The following CDH23 variants were observed in gnomAD, a reference collection of about 807,000 sequenced individuals.
CDH23 encodes cadherin related 23.
A neutral mutation model predicts 317.1 loss-of-function variants in CDH23; 189 were observed. That is an observed-to-expected ratio of 0.60 (90% CI 0.53 to 0.67). CDH23 has a LOEUF of 0.67. Among genes scored for constraint, CDH23 ranks in the 30% least tolerant of loss-of-function variants. The pLI, the probability that CDH23 is intolerant of heterozygous loss-of-function variation, is 0.00. For missense variants in CDH23, 4,401 were observed against 4,592.4 expected, an observed-to-expected ratio of 0.96 and a Z score of 1.20; for synonymous variants, 1,839 against 1,876.8, an observed-to-expected ratio of 0.98 and a Z score of 0.52.
Position 71,810,150 on chromosome 10 carries a change from A to C in CDH23, c.8979+74A>C, listed in dbSNP as rs1841874564. 7 of 1,560,472 alleles carry C rather than the reference A, an allele frequency of 4.5e-6. No individual in the cohort carries two copies. In the East Asian group the frequency reaches 1.6e-4, roughly 35 times the overall value. On this transcript the variant is annotated intron_variant, in intron 61 of 69. Transcript: ENST00000224721. ...GGGAGGCCAGGCCACAAGGAGAGACAGGGCATTGTGCAAAGGCCAGGGCGT... is the reference window on the plus strand; with the variant it reads ...GGGAGGCCAGGCCACAAGGAGAGACCGGGCATTGTGCAAAGGCCAGGGCGT...
chr10:71,438,347 C>CAAAAAAAA (rs10596696), intron 1 of CDH23, among the ~76,000 whole-genome samples: 165 of 97,818 alleles, frequency 1.7e-3, no homozygotes, highest in South Asian at 2.3e-3. Context: ...CTGTCTCAAA[C>CAAAAAAAA]AAAAAAAAAA....
intron 45 of CDH23, among the ~76,000 whole-genome samples, chr10:71,789,695 G>A (rs930226319): frequency 6.6e-5 from 10 of 152,198 alleles, no homozygotes; most frequent in African/African-American, 1.9e-4. Context: ...AGGCATGTGC[G>A]TGGGGTTACA....
chr10:71,636,752 G>A (rs1013096398), intron 11 of CDH23, among the ~76,000 whole-genome samples: 3 of 152,236 alleles, frequency 2.0e-5, no homozygotes, highest in Non-Finnish European at 4.4e-5. Context: ...TGAAATGAGG[G>A]TGACGTCCTT....
chr10:71,684,041 A>G (rs759545810), intron 18 of CDH23, among the ~76,000 whole-genome samples: 19 of 151,628 alleles, frequency 1.3e-4, no homozygotes, highest in Non-Finnish European at 2.5e-4. Context: ...AGATCGCACC[A>G]TTGCACTTCA....
intron 14 of CDH23, among the ~76,000 whole-genome samples, chr10:71,674,590 A>C (rs1032259104): frequency 6.6e-6 from 1 of 152,070 alleles, no homozygotes; most frequent in African/African-American, 2.4e-5. Flanking sequence ...ATTATGTACA[A>C]CCTCTTCACC....
At chr10:71,491,922 C>G (rs1268101605) in intron 3 of CDH23, among the ~76,000 whole-genome samples, 1 of 152,166 alleles carries the variant, frequency 6.6e-6, no homozygotes, top group Non-Finnish European at 1.5e-5. Flanking sequence ...CGAGCACACG[C>G]AGGTCCTGGT....
intron 9 of CDH23, among the ~76,000 whole-genome samples, chr10:71,583,343 C>T (rs1358749437): frequency 6.6e-6 from 1 of 151,782 alleles, no homozygotes; most frequent in African/African-American, 2.4e-5. Flanking sequence ...CAGCCCTGGT[C>T]CTGGGAGCAG....
intron 45 of CDH23, 41 bp from the exon 46 acceptor site, chr10:71,790,247 G>C (rs370003444): frequency 1.2e-6 from 2 of 1,609,250 alleles, no homozygotes; most frequent in Non-Finnish European, 1.7e-6. Flanking sequence ...AGGGCAGGGG[G>C]CTGGGTTGGT....
intron 38 of CDH23, among the ~76,000 whole-genome samples, chr10:71,769,836 CT>C (rs941472676): frequency 1.2e-4 from 19 of 152,218 alleles, no homozygotes; most frequent in Middle Eastern, 3.2e-3. Flanking sequence ...CTGTCTTTGT[CT>C]TTGGTGATGG....
chr10:71,574,130 T>G (rs1187664474), intron 8 of CDH23, among the ~76,000 whole-genome samples: 1 of 151,982 alleles, frequency 6.6e-6, no homozygotes, highest in Non-Finnish European at 1.5e-5. Context: ...TTCCCAGCCT[T>G]GCCTCTGCTG....
At chr10:71,505,366 C>CT (rs1853576120) in intron 3 of CDH23, among the ~76,000 whole-genome samples, 1 of 152,140 alleles carries the variant, frequency 6.6e-6, no homozygotes, top group African/African-American at 2.4e-5. Context: ...GACTAAGCAG[C>CT]TTTTGTAAGT....
chr10:71,461,256 C>T (rs967566168), intron 3 of CDH23, among the ~76,000 whole-genome samples: 1 of 152,236 alleles, frequency 6.6e-6, no homozygotes, highest in Non-Finnish European at 1.5e-5. Flanking sequence ...GGTGGGATGG[C>T]CTGTAGTGTG....
chr10:71,517,558 T>TC (rs1554833446), intron 6 of CDH23, among the ~76,000 whole-genome samples: 1 of 151,938 alleles, frequency 6.6e-6, no homozygotes, highest in African/African-American at 2.4e-5. Context: ...AGCGAGAAGC[T>TC]GGGGGGGAGA....
chr10:71,697,877 T>C (rs1489789596), intron 22 of CDH23, among the ~76,000 whole-genome samples: 2 of 152,184 alleles, frequency 1.3e-5, no homozygotes, highest in Non-Finnish European at 2.9e-5. Context: ...GTGTGGCTGT[T>C]CCACCGCTGG....
chr10:71,709,129 T>C lies in CDH23; in HGVS notation c.3138T>C (p.Gly1046=). Residue 1046 remains glycine (G), a synonymous_variant, in exon 27 of 70, where the codon GGT becomes GGC. Transcript: ENST00000224721. ...ACGTGGATGGGAAGTTCAGCGTGGG[T>C]TACCGCGATGCCGTTGTGAGAACCG... ...GGNVDGKFSV[G]YRDAVVRTVV... 1 of 1,613,926 alleles carries C rather than the reference T, an allele frequency of 6.2e-7. No homozygotes were observed. The highest frequency in any genetic ancestry group is 1.3e-5 in the African/African-American group (1 of 75,056).
chr10:71,606,992 C>T (rs576155695), intron 9 of CDH23, among the ~76,000 whole-genome samples: 3 of 152,306 alleles, frequency 2.0e-5, no homozygotes, highest in Non-Finnish European at 2.9e-5. Context: ...ATATGTTGAT[C>T]GTGGGGCTGT....
chr10:71,674,234 A>G (rs1354062614), intron 14 of CDH23, among the ~76,000 whole-genome samples: 1 of 152,228 alleles, frequency 6.6e-6, no homozygotes, highest in African/African-American at 2.4e-5. Flanking sequence ...AATGTACTAA[A>G]CACAAATTAG....
At chr10:71,571,975 G>T (rs1589221236) in intron 8 of CDH23, among the ~76,000 whole-genome samples, 3 of 152,350 alleles carry the variant, frequency 2.0e-5, no homozygotes, top group East Asian at 3.9e-4. Flanking sequence ...GACCATGGCT[G>T]CCCTGGCCAC....
At chr10:71,545,742 A>G (rs1296037688) in intron 6 of CDH23, among the ~76,000 whole-genome samples, 1 of 152,166 alleles carries the variant, frequency 6.6e-6, no homozygotes, top group Non-Finnish European at 1.5e-5. Flanking sequence ...GGCCACAAAG[A>G]AAAATAAAGC....
Sources: allele counts gnomAD v4.1 joint callset (sites outside exome capture counted in the v4.1 genomes callset), GRCh38; gene constraint gnomAD v4.1.1; transcripts MANE v1.5; gene names NCBI Gene and HGNC (gene_info 2026-07-23, HGNC 2026-07-21).